Variants in AUTS2 observed in about 807,000 individuals in gnomAD.
The protein encoded by AUTS2 is activator of transcription and developmental regulator AUTS2.
In AUTS2, 17 loss-of-function variants were observed where a neutral mutation model predicts 112.4. The observed-to-expected ratio is 0.15, with a 90% confidence interval of 0.10 to 0.23. The LOEUF is 0.23. AUTS2 is among the 10% of genes least tolerant of loss of function. The pLI is 1.00. For missense variants in AUTS2, 1,510 were observed against 1,701.6 expected (o/e 0.89, Z 1.98); for synonymous variants, 751 against 702.7 (o/e 1.07, Z -1.09).
At chr7:70,582,396 C>T (rs1802494959) in intron 5 of AUTS2, among the ~76,000 whole-genome samples, 1 of 152,176 alleles carries the variant, frequency 6.6e-6, no homozygotes, top group African/African-American at 2.4e-5. Flanking sequence ...TCCCACTGGA[C>T]CCTCTAGCAG....
At chr7:70,564,959 G>A (rs1034369982) in intron 5 of AUTS2, among the ~76,000 whole-genome samples, 1 of 152,044 alleles carries the variant, frequency 6.6e-6, no homozygotes, top group Non-Finnish European at 1.5e-5. Flanking sequence ...TTAGCCGGGG[G>A]TGGTGGTGCT....
intron 2 of AUTS2, among the ~76,000 whole-genome samples, chr7:69,903,926 C>T (rs1040377642): frequency 6.6e-6 from 1 of 152,208 alleles, no homozygotes; most frequent in African/African-American, 2.4e-5. Context: ...GCTCTTCTCT[C>T]TCTGAAAATC....
At chr7:69,734,145 A>G (rs1786925582) in intron 1 of AUTS2, among the ~76,000 whole-genome samples, 2 of 152,204 alleles carry the variant, frequency 1.3e-5, no homozygotes, top group African/African-American at 4.8e-5. Flanking sequence ...TGTACCCACT[A>G]AAACAAGATG....
At chr7:70,634,435 T>C (rs1195950354) in intron 5 of AUTS2, among the ~76,000 whole-genome samples, 1 of 152,228 alleles carries the variant, frequency 6.6e-6, no homozygotes, top group Non-Finnish European at 1.5e-5. Context: ...CCCCATTTGC[T>C]GTTCGGCGGG....
intron 2 of AUTS2, among the ~76,000 whole-genome samples, chr7:69,946,792 G>A (rs546474294): frequency 2.7e-4 from 41 of 152,270 alleles, no homozygotes; most frequent in African/African-American, 9.1e-4. Flanking sequence ...GAAATAAGAC[G>A]AAGTATATAA....
intron 1 of AUTS2, among the ~76,000 whole-genome samples, chr7:69,675,794 A>C (rs1796537434): frequency 6.6e-6 from 1 of 152,090 alleles, no homozygotes; most frequent in Non-Finnish European, 1.5e-5. Context: ...GGTGTGAGCC[A>C]CTGTGTCCGG....
At chr7:70,365,061 G>A (rs1792504106) in intron 4 of AUTS2, among the ~76,000 whole-genome samples, 1 of 152,172 alleles carries the variant, frequency 6.6e-6, no homozygotes, top group Admixed American at 6.5e-5. Context: ...TTAACAAAAA[G>A]GATTAGTAGG....
At chr7:70,140,778 AT>A in intron 4 of AUTS2, among the ~76,000 whole-genome samples, 1 of 152,344 alleles carries the variant, frequency 6.6e-6, no homozygotes, top group East Asian at 1.9e-4. Flanking sequence ...GAAAATCTAA[AT>A]TTTATCTAGA....
At chr7:69,912,283 C>T (rs1795392457) in intron 2 of AUTS2, among the ~76,000 whole-genome samples, 1 of 152,144 alleles carries the variant, frequency 6.6e-6, no homozygotes, top group South Asian at 2.1e-4. Context: ...GGCAGGGGCA[C>T]TTCCCCAGGC....
Position 70,672,791 on chromosome 7 carries a change from C to T in AUTS2, c.691-25778C>T, listed in dbSNP as rs184826048. ...CTCAATTTTGTATTTTTAGTAGAGA[C>T]GGGGTTTCACCATGTTGGCCAGGAT... On this transcript the variant is annotated intron_variant, in intron 5 of 18. Coordinates refer to ENST00000342771, the MANE Select transcript of AUTS2 (RefSeq NM_015570.4). 4.6e-3 allele frequency among the ~76,000 whole-genome samples: 694 copies of T among 152,016 alleles called. 4 individuals are homozygous for T. Among genetic ancestry groups the T allele is most frequent in the African/African-American group, 0.016 (668 of 41,452 alleles).
At chr7:70,644,605 A>G (rs928518471) in intron 5 of AUTS2, among the ~76,000 whole-genome samples, 1 of 151,742 alleles carries the variant, frequency 6.6e-6, no homozygotes, top group Non-Finnish European at 1.5e-5. Context: ...TATTTGTGCT[A>G]TTCACCCCCA....
chr7:70,031,468 T>A (rs1800776607), intron 2 of AUTS2, among the ~76,000 whole-genome samples: 1 of 152,182 alleles, frequency 6.6e-6, no homozygotes, highest in South Asian at 2.1e-4. Flanking sequence ...AAAGATAGGC[T>A]GCTGCCTGTT....
chr7:70,589,827 A>G (rs972400163), intron 5 of AUTS2, among the ~76,000 whole-genome samples: 100 of 152,312 alleles, frequency 6.6e-4, no homozygotes, highest in African/African-American at 2.3e-3. Flanking sequence ...CTCTGGGGGA[A>G]GGTTGAGACC....
intron 5 of AUTS2, among the ~76,000 whole-genome samples, chr7:70,656,245 A>G (rs1480371738): frequency 6.6e-6 from 1 of 152,110 alleles, no homozygotes; most frequent in East Asian, 1.9e-4. Flanking sequence ...CCTTTGCAGT[A>G]CAGAAATACA....
At chr7:69,611,312 A>G (rs1467054069) in intron 1 of AUTS2, among the ~76,000 whole-genome samples, 1 of 152,060 alleles carries the variant, frequency 6.6e-6, no homozygotes, top group Non-Finnish European at 1.5e-5. Context: ...CCACCTGGGG[A>G]GGGAGCAAAT....
At chr7:69,885,505 G>A (rs958864819) in intron 1 of AUTS2, among the ~76,000 whole-genome samples, 4 of 152,118 alleles carry the variant, frequency 2.6e-5, no homozygotes, top group African/African-American at 9.7e-5. Flanking sequence ...GTGCACAGAA[G>A]GATTTTTATA....
chr7:69,871,597 T>G (rs1159487289), intron 1 of AUTS2, among the ~76,000 whole-genome samples: 2 of 152,264 alleles, frequency 1.3e-5, no homozygotes, highest in East Asian at 3.9e-4. Context: ...GTGAATGTGG[T>G]CTCTCTCTCA....
At chr7:69,935,022 C>G (rs966455439) in intron 2 of AUTS2, among the ~76,000 whole-genome samples, 1 of 152,188 alleles carries the variant, frequency 6.6e-6, no homozygotes, top group African/African-American at 2.4e-5. Context: ...ATTTCTCTTA[C>G]TGCTTTTTTC....
intron 1 of AUTS2, among the ~76,000 whole-genome samples, chr7:69,692,931 C>T (rs1797409273): frequency 6.6e-6 from 1 of 152,228 alleles, no homozygotes; most frequent in Admixed American, 6.5e-5. Flanking sequence ...GACCGAGAGA[C>T]TTCCCTCAAA....
Sources: gnomAD v4.1 joint callset for allele counts (sites outside exome capture counted in the v4.1 genomes callset) on GRCh38, gnomAD v4.1.1 for gene constraint, MANE v1.5 for transcripts, NCBI Gene and HGNC (gene_info 2026-07-23, HGNC 2026-07-21) for gene names.